Variants in LRRC4C observed in about 807,000 individuals in gnomAD.
LRRC4C encodes leucine-rich repeat-containing protein 4C.
In LRRC4C, 5 loss-of-function variants were observed where a neutral mutation model predicts 33.6. The observed-to-expected ratio is 0.15, with a 90% CI of 0.08 to 0.31. The LOEUF (loss-of-function observed/expected upper bound fraction) is 0.31, where lower values mean the gene tolerates loss of function less well. Ranked by LOEUF, LRRC4C falls within the 10% of genes least tolerant of loss-of-function variation. LRRC4C has a pLI of 1.00. For missense variants in LRRC4C, 560 were observed against 796.7 expected (o/e 0.70, Z 3.58); for synonymous variants, 329 against 302.0 (o/e 1.09, Z -0.93).
At chr11:40,318,877 T>A (rs956777929) in intron 4 of LRRC4C, among the ~76,000 whole-genome samples, 7 of 152,202 alleles carry the variant, frequency 4.6e-5, no homozygotes, top group African/African-American at 1.7e-4. Flanking sequence ...ACATGTCTAT[T>A]GTGATTCTGA....
intron 3 of LRRC4C, among the ~76,000 whole-genome samples, chr11:40,374,813 A>T (rs1478968932): frequency 2.6e-5 from 4 of 152,128 alleles, no homozygotes; most frequent in African/African-American, 9.7e-5. Context: ...AATGAATTTC[A>T]ACATCCTACA....
At chr11:40,270,877 T>G (rs1480187817) in intron 4 of LRRC4C, among the ~76,000 whole-genome samples, 1 of 152,204 alleles carries the variant, frequency 6.6e-6, no homozygotes, top group African/African-American at 2.4e-5. Flanking sequence ...TATCGGGTGA[T>G]TTTGATCACA....
intron 1 of LRRC4C, among the ~76,000 whole-genome samples, chr11:41,263,817 C>T (rs930046116): frequency 6.6e-6 from 1 of 151,924 alleles, no homozygotes; most frequent in Admixed American, 6.6e-5. Flanking sequence ...CATAAAAAAA[C>T]AAGTAACTGT....
chr11:41,181,120 C>T (rs779531129), intron 1 of LRRC4C, among the ~76,000 whole-genome samples: 15 of 152,130 alleles, frequency 9.9e-5, no homozygotes, highest in South Asian at 2.1e-4. Flanking sequence ...ATAGCATTCC[C>T]TTTGCATTCA....
At chr11:40,754,553 C>G (rs972621503) in intron 2 of LRRC4C, among the ~76,000 whole-genome samples, 1 of 152,026 alleles carries the variant, frequency 6.6e-6, no homozygotes, top group Non-Finnish European at 1.5e-5. Context: ...AGCCAGGTAG[C>G]TTCCATAAAG....
intron 5 of LRRC4C, among the ~76,000 whole-genome samples, chr11:40,153,632 T>C (rs939038428): frequency 6.6e-6 from 1 of 151,690 alleles, no homozygotes; most frequent in African/African-American, 2.4e-5. Context: ...GACACACTTT[T>C]AGAAATGAAA....
intron 1 of LRRC4C, among the ~76,000 whole-genome samples, chr11:41,098,367 T>G (rs1382791846): frequency 1.3e-5 from 2 of 152,188 alleles, no homozygotes; most frequent in Non-Finnish European, 2.9e-5. Context: ...TTTTAAATTA[T>G]TGTAATCTAA....
chr11:41,239,296 T>C (rs909687468), intron 1 of LRRC4C, among the ~76,000 whole-genome samples: 12 of 109,644 alleles, frequency 1.1e-4, no homozygotes, highest in Non-Finnish European at 3.4e-5. Flanking sequence ...TACTCCAGCC[T>C]GGGTGACAGA....
At chr11:40,338,381 A>C (rs893928050) in intron 3 of LRRC4C, among the ~76,000 whole-genome samples, 1 of 152,236 alleles carries the variant, frequency 6.6e-6, no homozygotes, top group Non-Finnish European at 1.5e-5. Context: ...ATGACTCTCC[A>C]TGAGTTAAAA....
At chr11:41,083,172 T>C (rs544646940) in intron 1 of LRRC4C, among the ~76,000 whole-genome samples, 7 of 152,214 alleles carry the variant, frequency 4.6e-5, no homozygotes, top group South Asian at 4.1e-4. Context: ...TCTTGAAGAT[T>C]TGACAAAATA....
intron 1 of LRRC4C, among the ~76,000 whole-genome samples, chr11:41,111,874 T>C (rs1314497142): frequency 1.3e-5 from 2 of 152,008 alleles, no homozygotes; most frequent in African/African-American, 4.8e-5. Context: ...CTGACTATCA[T>C]AGATAATAGA....
intron 1 of LRRC4C, among the ~76,000 whole-genome samples, chr11:41,183,355 T>C (rs1389192773): frequency 6.6e-6 from 1 of 152,160 alleles, no homozygotes; most frequent in Admixed American, 6.5e-5. Flanking sequence ...GTACATTGTA[T>C]GTACTTCCTA....
chr11:41,362,936 T>C (rs1037532786), intron 1 of LRRC4C, among the ~76,000 whole-genome samples: 3 of 152,122 alleles, frequency 2.0e-5, no homozygotes, highest in African/African-American at 7.2e-5. Context: ...CATCTCAAAA[T>C]CACATCTGCA....
At chr11:40,423,507 G>T (rs1335809417) in intron 3 of LRRC4C, among the ~76,000 whole-genome samples, 4 of 151,874 alleles carry the variant, frequency 2.6e-5, no homozygotes, top group Non-Finnish European at 5.9e-5. Flanking sequence ...ACCACGCCCG[G>T]CTAATTTTTT....
At chr11:40,250,744 T>TATA (rs952406775) in intron 4 of LRRC4C, among the ~76,000 whole-genome samples, 4 of 151,810 alleles carry the variant, frequency 2.6e-5, no homozygotes, top group African/African-American at 9.7e-5. Context: ...GTCTCAAAAT[T>TATA]ATAATAATAA....
At chr11:40,745,635 AT>A (rs1948381001) in intron 2 of LRRC4C, among the ~76,000 whole-genome samples, 4 of 152,202 alleles carry the variant, frequency 2.6e-5, no homozygotes, top group East Asian at 1.9e-4. Flanking sequence ...TTTTTGCTAA[AT>A]TTTTTTCCAC....
intron 2 of LRRC4C, among the ~76,000 whole-genome samples, chr11:40,893,487 T>C (rs1213148111): frequency 1.3e-5 from 2 of 152,124 alleles, no homozygotes; most frequent in Non-Finnish European, 2.9e-5. Context: ...ATATCTCATG[T>C]ACTCCATAAA....
intron 1 of LRRC4C, among the ~76,000 whole-genome samples, chr11:41,340,191 C>T (rs1276034970): frequency 1.3e-5 from 2 of 152,122 alleles, no homozygotes; most frequent in South Asian, 2.1e-4. Flanking sequence ...CTTTCCCAAC[C>T]CTATAAAAAT....
At chr11:41,322,835 C>T (rs984130916) in intron 1 of LRRC4C, among the ~76,000 whole-genome samples, 3 of 152,132 alleles carry the variant, frequency 2.0e-5, no homozygotes, top group African/African-American at 7.2e-5. Flanking sequence ...ATTAATGGGA[C>T]AGGTAGAAAT....
Sources: allele counts gnomAD v4.1 joint callset (sites outside exome capture counted in the v4.1 genomes callset), GRCh38; gene constraint gnomAD v4.1.1; transcripts MANE v1.5; gene names NCBI Gene and HGNC (gene_info 2026-07-23, HGNC 2026-07-21).